Variants in ZNF804B observed in about 807,000 individuals in gnomAD.
ZNF804B encodes the protein zinc finger protein 804B.
A neutral mutation model predicts 101.4 loss-of-function variants in ZNF804B; 80 were observed. That is an observed-to-expected ratio of 0.79 (90% CI 0.66 to 0.95). The LOEUF (loss-of-function observed/expected upper bound fraction) is 0.95, where lower values mean the gene tolerates loss of function less well. Among genes scored for constraint, ZNF804B ranks in the 40% least tolerant of loss-of-function variants. ZNF804B has a pLI of 0.00. For synonymous variants in ZNF804B, 622 were observed against 558.8 expected, an observed-to-expected ratio of 1.11 and a Z score of -1.59; for missense variants, 1,673 against 1,561.9, an observed-to-expected ratio of 1.07 and a Z score of -1.20.
At chr7:88,891,621 GAT>G (rs1792216011) in intron 1 of ZNF804B, among the ~76,000 whole-genome samples, 2 of 142,012 alleles carry the variant, frequency 1.4e-5, no homozygotes, top group Admixed American at 1.4e-4. Flanking sequence ...TTTCTAAGTA[GAT>G]TTTTTTTTTT....
intron 2 of ZNF804B, among the ~76,000 whole-genome samples, chr7:89,247,220 A>G (rs1350896106): frequency 1.3e-5 from 2 of 152,196 alleles, no homozygotes; most frequent in African/African-American, 2.4e-5. Context: ...TGACATCAGG[A>G]GAACAGAAAC....
At chr7:88,838,961 A>G (rs1791257458) in intron 1 of ZNF804B, among the ~76,000 whole-genome samples, 1 of 152,054 alleles carries the variant, frequency 6.6e-6, no homozygotes. Flanking sequence ...CCTTTGATGT[A>G]TAATTTCAGT....
At chr7:89,066,782 G>A (rs1335433933) in intron 1 of ZNF804B, among the ~76,000 whole-genome samples, 2 of 151,790 alleles carry the variant, frequency 1.3e-5, no homozygotes, top group Non-Finnish European at 2.9e-5. Context: ...GATTTTTTGA[G>A]ACGGAGTTTT....
chr7:88,845,279 GCACGCGCGCGCGCA>G (rs1562809792), intron 1 of ZNF804B, among the ~76,000 whole-genome samples: 1 of 133,746 alleles, frequency 7.5e-6, no homozygotes, highest in Non-Finnish European at 1.5e-5. Context: ...GCATGTGTGC[GCACGCGCGCGCGCA>G]CGCGCGCGCA....
chr7:89,119,917 C>A (rs987737667), intron 1 of ZNF804B, among the ~76,000 whole-genome samples: 1 of 151,800 alleles, frequency 6.6e-6, no homozygotes, highest in Admixed American at 6.6e-5. Context: ...AGGTTTATTC[C>A]CAAGTGGGTT....
chr7:89,307,673 T>G (rs1048257784), intron 2 of ZNF804B, among the ~76,000 whole-genome samples: 3 of 152,058 alleles, frequency 2.0e-5, no homozygotes, highest in African/African-American at 7.2e-5. Flanking sequence ...CAAATAATTT[T>G]AATTTTAAAA....
At chr7:89,286,307 A>G (rs571824290) in intron 2 of ZNF804B, among the ~76,000 whole-genome samples, 1 of 152,320 alleles carries the variant, frequency 6.6e-6, no homozygotes, top group Admixed American at 6.5e-5. Context: ...AGAAGAAAAG[A>G]AAAAAGCTGT....
chr7:88,987,299 A>T (rs1793772002), intron 1 of ZNF804B, among the ~76,000 whole-genome samples: 1 of 152,028 alleles, frequency 6.6e-6, no homozygotes, highest in African/African-American at 2.4e-5. Flanking sequence ...CCTGAACTGG[A>T]CTCCAAGTAC....
intron 1 of ZNF804B, among the ~76,000 whole-genome samples, chr7:89,196,057 A>T (rs1439803848): frequency 6.6e-6 from 1 of 152,174 alleles, no homozygotes; most frequent in Non-Finnish European, 1.5e-5. Flanking sequence ...AAACTATCTT[A>T]GAATTCATAT....
At chr7:89,119,971 T>G (rs943466517) in intron 1 of ZNF804B, among the ~76,000 whole-genome samples, 1 of 151,240 alleles carries the variant, frequency 6.6e-6, no homozygotes, top group African/African-American at 2.4e-5. Context: ...TCTAAATATT[T>G]TTTTTTTTAA....
chr7:89,172,635 C>G (rs1330101850), intron 1 of ZNF804B, among the ~76,000 whole-genome samples: 1 of 151,860 alleles, frequency 6.6e-6, no homozygotes, highest in Non-Finnish European at 1.5e-5. Flanking sequence ...CTTAATATAC[C>G]CTTGTAGAAC....
chr7:89,265,332 A>G (rs749167104), intron 2 of ZNF804B, among the ~76,000 whole-genome samples: 1 of 151,982 alleles, frequency 6.6e-6, no homozygotes, highest in African/African-American at 2.4e-5. Context: ...GCACAGGCAC[A>G]CACTTGATTT....
chr7:89,336,509 A>T lies in ZNF804B; in HGVS notation c.3527A>T (p.Lys1176Met), dbSNP rs1383237726. Residue 1176 changes from lysine (K) to methionine (M), a missense_variant, in exon 4 of 4, where the codon AAG becomes ATG. Physicochemically the swap from Lys to Met is moderately conservative, Grantham distance 95 (BLOSUM62 -1). Coordinates refer to ENST00000333190, the MANE Select transcript of ZNF804B (RefSeq NM_181646.5). ...QQHMQKQLLS[K>M]HLRVLPAAGP... Reference sequence around the variant, plus strand: ...CATATGCAGAAGCAACTCCTATCAAAGCATCTTCGAGTTTTGCCTGCTGCA... The same window carrying T: ...CATATGCAGAAGCAACTCCTATCAATGCATCTTCGAGTTTTGCCTGCTGCA... 6.2e-7 allele frequency: 1 copy of T among 1,613,988 alleles called. No individual in the cohort carries two copies. Among genetic ancestry groups the T allele is most frequent in the Non-Finnish European group, 8.5e-7 (1 of 1,180,024 alleles).
At chr7:89,178,432 T>A (rs1407233242) in intron 1 of ZNF804B, among the ~76,000 whole-genome samples, 2 of 152,130 alleles carry the variant, frequency 1.3e-5, no homozygotes, top group Non-Finnish European at 2.9e-5. Flanking sequence ...GTTGTAGTTT[T>A]TAAAATTTGA....
rs536407283 is a variant in ZNF804B, at chr7:88,926,946, G to GGGGGC, written c.108+166865_108+166866insGCGGG. Among the ~76,000 whole-genome samples the GGGGGC allele has an allele frequency of 2.0e-5, 3 of 148,904 alleles. No individual in the cohort carries two copies. In the East Asian group the frequency reaches 6.5e-4, roughly 32 times the overall value. ...ATGTCTGCCGGGTGGTGGGGAGCGG[G>GGGGGC]GGGAAAGCTGTTCTGTAGTTTGTTG... On this transcript the variant is annotated intron_variant, in intron 1 of 3. Transcript: ENST00000333190.
At chr7:88,960,305 G>T (rs1793371072) in intron 1 of ZNF804B, among the ~76,000 whole-genome samples, 1 of 151,332 alleles carries the variant, frequency 6.6e-6, no homozygotes. Context: ...TTGGCAGATG[G>T]AGAAGTGGTA....
intron 1 of ZNF804B, among the ~76,000 whole-genome samples, chr7:89,062,020 G>A (rs1316639235): frequency 6.6e-6 from 1 of 151,978 alleles, no homozygotes; most frequent in Admixed American, 6.6e-5. Flanking sequence ...AAAAGCACTT[G>A]TCTTCCCAGC....
intron 2 of ZNF804B, among the ~76,000 whole-genome samples, chr7:89,291,026 A>G (rs372256807): frequency 6.6e-6 from 1 of 152,184 alleles, no homozygotes; most frequent in East Asian, 1.9e-4. Context: ...TTTATCCAAG[A>G]CTACTGTGGC....
At chr7:89,315,420 A>G (rs945128092) in intron 2 of ZNF804B, among the ~76,000 whole-genome samples, 2 of 152,210 alleles carry the variant, frequency 1.3e-5, no homozygotes, top group Non-Finnish European at 2.9e-5. Flanking sequence ...ATAAATGATT[A>G]TCTATAAATT....
Sources: allele counts gnomAD v4.1 joint callset (sites outside exome capture counted in the v4.1 genomes callset), GRCh38; gene constraint gnomAD v4.1.1; transcripts MANE v1.5; gene names NCBI Gene and HGNC (gene_info 2026-07-23, HGNC 2026-07-21).